The following GALNTL6 variants were observed in gnomAD, a reference collection of about 807,000 sequenced individuals.
The protein encoded by GALNTL6 is polypeptide N-acetylgalactosaminyltransferase-like 6.
Under a neutral mutation model 73.7 loss-of-function variants are expected in GALNTL6, and 46 were observed. The observed-to-expected ratio is 0.62, with a 90% CI of 0.49 to 0.80. The LOEUF (loss-of-function observed/expected upper bound fraction) is 0.80, where lower values mean the gene tolerates loss of function less well. Ranked by LOEUF, GALNTL6 falls within the 30% of genes least tolerant of loss-of-function variation. The pLI is 0.00. For synonymous variants in GALNTL6, 259 were observed against 263.7 expected (o/e 0.98, Z 0.17); for missense variants, 604 against 755.0 (o/e 0.80, Z 2.34).
chr4:172,020,596 C>T (rs1441955850), intron 2 of GALNTL6, among the ~76,000 whole-genome samples: 1 of 151,266 alleles, frequency 6.6e-6, no homozygotes, highest in Admixed American at 6.6e-5. Context: ...ATACACCTAC[C>T]GAGATTAGAC....
At chr4:172,187,970 G>A (rs985384584) in intron 2 of GALNTL6, among the ~76,000 whole-genome samples, 1 of 151,970 alleles carries the variant, frequency 6.6e-6, no homozygotes, top group African/African-American at 2.4e-5. Context: ...ATCTGATTCT[G>A]TATTTTCTTC....
chr4:172,621,033 T>C (rs1738932012), intron 5 of GALNTL6, among the ~76,000 whole-genome samples: 1 of 152,218 alleles, frequency 6.6e-6, no homozygotes, highest in African/African-American at 2.4e-5. Context: ...GGGGAAGCTC[T>C]TGTGAACTGA....
intron 5 of GALNTL6, among the ~76,000 whole-genome samples, chr4:172,796,753 T>G (rs1338801637): frequency 6.6e-6 from 1 of 152,214 alleles, no homozygotes; most frequent in Non-Finnish European, 1.5e-5. Flanking sequence ...GCATATTTCC[T>G]TCTATATTGC....
intron 2 of GALNTL6, among the ~76,000 whole-genome samples, chr4:171,942,157 A>G (rs1042677372): frequency 2.6e-5 from 4 of 151,804 alleles, no homozygotes; most frequent in Non-Finnish European, 5.9e-5. Context: ...TTGGGAGGCC[A>G]TGGTGAGTGG....
chr4:171,956,889 C>T (rs1187248388), intron 2 of GALNTL6, among the ~76,000 whole-genome samples: 2 of 152,166 alleles, frequency 1.3e-5, no homozygotes, highest in African/African-American at 4.8e-5. Flanking sequence ...ATCAGAGAGC[C>T]AGCCTTCCGA....
chr4:172,141,909 ACACC>A (rs752580609), intron 2 of GALNTL6, among the ~76,000 whole-genome samples: 7,750 of 125,754 alleles, frequency 0.062, 196 homozygotes, highest in Admixed American at 0.082. Flanking sequence ...ACACACACAC[ACACC>A]CCCCACACTC....
At chr4:173,014,249 G>A (rs1482769694) in intron 11 of GALNTL6, among the ~76,000 whole-genome samples, 1 of 152,224 alleles carries the variant, frequency 6.6e-6, no homozygotes, top group Non-Finnish European at 1.5e-5. Context: ...TATCATGGTA[G>A]CATTATGCTT....
At chr4:172,786,821 T>G (rs1452660318) in intron 5 of GALNTL6, among the ~76,000 whole-genome samples, 1 of 152,164 alleles carries the variant, frequency 6.6e-6, no homozygotes, top group African/African-American at 2.4e-5. Context: ...GTCCAAAATT[T>G]TATTGATGTA....
chr4:172,114,009 G>GA (rs1732923986), intron 2 of GALNTL6, among the ~76,000 whole-genome samples: 2 of 151,970 alleles, frequency 1.3e-5, no homozygotes, highest in South Asian at 4.1e-4. Flanking sequence ...ACAAACAAAA[G>GA]AAAACAGCAT....
At chr4:172,960,998 G>T (rs939963166) in intron 10 of GALNTL6, among the ~76,000 whole-genome samples, 2 of 140,680 alleles carry the variant, frequency 1.4e-5, no homozygotes, top group African/African-American at 5.3e-5. Flanking sequence ...ACGGGGAGAA[G>T]GGGTTGGGGG....
In GALNTL6 at chr4:172,961,190, G is replaced by T. The variant is rs572285450; in HGVS notation, c.1371+8932G>T. ...CAGAGAGAAGGGGTGGGGGGTGCTT[G>T]CCCTCCAGGAAAGTGGAGAAGGGGT... is the stretch of plus-strand genomic sequence containing the variant. On this transcript the variant is annotated intron_variant, in intron 10 of 12. Transcript: ENST00000506823. Among the ~76,000 whole-genome samples the T allele has an allele frequency of 1.8e-3, 244 of 135,188 alleles. 2 individuals are homozygous for T. The highest frequency in any genetic ancestry group is 6.7e-3 in the African/African-American group (229 of 34,294). 88.7% of individuals were successfully genotyped at this position (135,188 alleles called of 152,430 possible). A position where few individuals can be genotyped will look rare whatever the true frequency, so the allele number is the denominator to read the frequency against.
At chr4:172,032,536 CTA>C (rs1028760135) in intron 2 of GALNTL6, among the ~76,000 whole-genome samples, 1 of 151,976 alleles carries the variant, frequency 6.6e-6, no homozygotes, top group Non-Finnish European at 1.5e-5. Flanking sequence ...TAATTCTTAT[CTA>C]TGTTTCTGCA....
In GALNTL6 at chr4:172,605,079, G is replaced by A. The variant is rs186687223; in HGVS notation, c.554-204282G>A. Among the ~76,000 whole-genome samples the A allele has an allele frequency of 2.6e-5, 4 of 152,290 alleles. No homozygotes were observed. In the East Asian group the frequency reaches 5.8e-4, roughly 22 times the overall value. On this transcript the variant is annotated intron_variant, in intron 5 of 12. Coordinates refer to ENST00000506823, the MANE Select transcript of GALNTL6 (RefSeq NM_001034845.3). ...ATAAAAAATAGAAGATACCACGGAC[G>A]AATTGGAGAAAATTGGCTAAAAGCA...
chr4:172,428,773 A>G (rs983132096), intron 5 of GALNTL6, among the ~76,000 whole-genome samples: 3 of 152,218 alleles, frequency 2.0e-5, no homozygotes, highest in Non-Finnish European at 4.4e-5. Context: ...ATTTTTTTCC[A>G]AAGTATTCTG....
At chr4:171,878,548 G>A (rs191161978) in intron 2 of GALNTL6, among the ~76,000 whole-genome samples, 29 of 151,740 alleles carry the variant, frequency 1.9e-4, no homozygotes, top group African/African-American at 5.6e-4. Flanking sequence ...TCAATAATAC[G>A]TATACATAAA....
At chr4:172,909,612 C>G (rs189240906) in intron 8 of GALNTL6, among the ~76,000 whole-genome samples, 1 of 152,020 alleles carries the variant, frequency 6.6e-6, no homozygotes, top group Non-Finnish European at 1.5e-5. Context: ...AGATTTGCAA[C>G]AATCAAGAAC....
intron 5 of GALNTL6, among the ~76,000 whole-genome samples, chr4:172,442,991 T>C (rs1247784764): frequency 1.3e-5 from 2 of 151,404 alleles, no homozygotes; most frequent in African/African-American, 4.8e-5. Context: ...AAGTTCTAAC[T>C]TATTTATTTA....
rs550534064 is a variant in GALNTL6 at position 172,976,126 on chromosome 4, C to T, written c.1371+23868C>T. 2.0e-5 allele frequency among the ~76,000 whole-genome samples: 3 copies of T among 152,260 alleles called. No homozygotes were observed. In the South Asian group the frequency reaches 6.2e-4, roughly 32 times the overall value. On this transcript the variant is annotated intron_variant, in intron 10 of 12. Coordinates refer to ENST00000506823, the MANE Select transcript of GALNTL6 (RefSeq NM_001034845.3). ...GCTAGCTCCTTGACAGCCACTGCTC[C>T]AAGTGGACACCTCTGCCATCACTGG...
intron 5 of GALNTL6, among the ~76,000 whole-genome samples, chr4:172,719,566 G>T (rs1735326182): frequency 6.6e-6 from 1 of 152,078 alleles, no homozygotes; most frequent in South Asian, 2.1e-4. Context: ...CTAAATGCAG[G>T]TAGAAAATTA....
Sources: allele counts gnomAD v4.1 joint callset (sites outside exome capture counted in the v4.1 genomes callset), GRCh38; gene constraint gnomAD v4.1.1; transcripts MANE v1.5; gene names NCBI Gene and HGNC (gene_info 2026-07-23, HGNC 2026-07-21).